Variants in NECAB2 observed in about 807,000 individuals in gnomAD.
The protein encoded by NECAB2 is N-terminal EF-hand calcium-binding protein 2.
Under a neutral mutation model 51.9 loss-of-function variants are expected in NECAB2, and 68 were observed. The ratio of observed to expected loss-of-function variants is 1.31; its 90% CI spans 1.08 to 1.60. NECAB2 has a LOEUF of 1.60. Among genes scored for constraint, NECAB2 ranks in the 40% most tolerant of loss-of-function variants. The pLI, the probability that NECAB2 is intolerant of heterozygous loss-of-function variation, is 0.00. For missense variants in NECAB2, 854 were observed against 490.3 expected, an observed-to-expected ratio of 1.74 and a Z score of -7.00; for synonymous variants, 329 against 203.5, an observed-to-expected ratio of 1.62 and a Z score of -5.25.
rs755350223 is a variant in NECAB2, at chr16:84,001,934, G to A, written c.1132+18G>A. ...GGTGCCAGGTAGGGGGCAAAGGCCT[G>A]GAACTGCAGTGGCCACCTGACTGGA... On this transcript the variant is annotated intron_variant, in intron 12 of 12. Transcript: ENST00000305202. 2.5e-6 allele frequency: 4 copies of A among 1,611,834 alleles called. No homozygotes were observed. Among genetic ancestry groups the A allele is most frequent in the Middle Eastern group, 1.7e-4 (1 of 6,036 alleles).
intron 6 of NECAB2, among the ~76,000 whole-genome samples, chr16:83,991,368 CTTTT>C (rs1167275437): frequency 1.2e-5 from 1 of 80,316 alleles, no homozygotes. Flanking sequence ...CTTTTCTTTT[CTTTT>C]TTTTTTTTTT....
At chr16:83,986,487 G>A (rs1442710318) in intron 5 of NECAB2, among the ~76,000 whole-genome samples, 1 of 152,114 alleles carries the variant, frequency 6.6e-6, no homozygotes, top group African/African-American at 2.4e-5. Flanking sequence ...TTGCCCTGTG[G>A]AGAGTGCCAG....
At chr16:83,999,873 GGTTTTTTGATTTTTAAAGGTT>G (rs1462742469) in intron 10 of NECAB2, among the ~76,000 whole-genome samples, 3 of 144,180 alleles carry the variant, frequency 2.1e-5, no homozygotes, top group African/African-American at 8.1e-5. Flanking sequence ...GATTTTTAAA[GGTTTTTTGATTTTTAAAGGTT>G]TTTTGAGACC....
At position 83,997,996 on chromosome 16, in the gene NECAB2, T is replaced by C. The variant is rs531662073; in HGVS notation, c.850-209T>C. ...ACAACCTCGTCTGTTTTCCCCATTT[T>C]TGGGGGCTACTTCTGCACTGGGCTC... On this transcript the variant is annotated intron_variant, in intron 9 of 12. Transcript: ENST00000305202. Among the ~76,000 whole-genome samples, 6 of 152,310 alleles carry C rather than the reference T, an allele frequency of 3.9e-5. No homozygotes were observed. In the South Asian group the frequency reaches 1.2e-3, roughly 32 times the overall value.
intron 5 of NECAB2, among the ~76,000 whole-genome samples, chr16:83,987,573 T>G (rs936531306): frequency 6.6e-6 from 1 of 152,060 alleles, no homozygotes; most frequent in African/African-American, 2.4e-5. Context: ...TTATAATCTG[T>G]GTTCAAAAAT....
chr16:84,001,988 C>A (rs1029215297), intron 12 of NECAB2, 72 bp downstream of exon 12: 7 of 1,515,250 alleles, frequency 4.6e-6, no homozygotes, highest in Non-Finnish European at 5.4e-6. Context: ...GAGGCTGCCC[C>A]ATATCTCCCG....
At chr16:83,989,381 C>G (rs1597213583) in intron 5 of NECAB2, among the ~76,000 whole-genome samples, 1 of 152,188 alleles carries the variant, frequency 6.6e-6, no homozygotes, top group Admixed American at 6.5e-5. Context: ...TCTCATGTGC[C>G]CCTCCTCCTC....
intron 1 of NECAB2, chr16:83,971,927 G>A: frequency 1.6e-6 from 1 of 613,852 alleles, no homozygotes; most frequent in Non-Finnish European, 2.9e-6. Context: ...GGTGGTACTG[G>A]CAGCCGCTTC....
chr16:83,990,755 C>T, intron 6 of NECAB2, 125 bp downstream of exon 6: 1 of 1,250,244 alleles, frequency 8.0e-7, no homozygotes, highest in Non-Finnish European at 1.1e-6. Context: ...GTTGCCACAG[C>T]TCTTTGTGCC....
intron 5 of NECAB2, among the ~76,000 whole-genome samples, chr16:83,988,299 G>A (rs886162406): frequency 6.6e-6 from 1 of 151,738 alleles, no homozygotes; most frequent in Non-Finnish European, 1.5e-5. Flanking sequence ...GGTCTGCCCT[G>A]TTTATATCAT....
intron 5 of NECAB2, 26 bp downstream of exon 5, chr16:83,981,153 G>C (rs780269247): frequency 1.4e-5 from 22 of 1,570,278 alleles, no homozygotes; most frequent in Non-Finnish European, 1.9e-5. Flanking sequence ...TGGCCCCCGG[G>C]GTCCAGGGCT....
chr16:83,995,388 T>A (rs1597221718), intron 8 of NECAB2, among the ~76,000 whole-genome samples: 1 of 133,524 alleles, frequency 7.5e-6, no homozygotes, highest in African/African-American at 4.2e-5. Flanking sequence ...CCTCTGATAA[T>A]CAAGAAAATA....
chr16:83,988,879 C>G (rs191376197), intron 5 of NECAB2, among the ~76,000 whole-genome samples: 1 of 152,144 alleles, frequency 6.6e-6, no homozygotes, highest in Admixed American at 6.5e-5. Flanking sequence ...GCACGTGTAC[C>G]CCTGTGTCAA....
At chr16:83,973,302 C>T (rs557684808) in intron 2 of NECAB2, among the ~76,000 whole-genome samples, 7 of 152,030 alleles carry the variant, frequency 4.6e-5, no homozygotes, top group African/African-American at 2.4e-5. Context: ...CCTGGGAGTT[C>T]CTGTTGACGG....
At chr16:83,996,832 C>A (rs1382845525) in intron 8 of NECAB2, among the ~76,000 whole-genome samples, 1 of 152,138 alleles carries the variant, frequency 6.6e-6, no homozygotes, top group Admixed American at 6.6e-5. Context: ...AACCATCTAG[C>A]TTAGAGTCTG....
intron 11 of NECAB2, among the ~76,000 whole-genome samples, chr16:84,001,326 G>GAAGCGGGGCCT (rs2084829536): frequency 6.6e-6 from 1 of 151,978 alleles, no homozygotes; most frequent in Non-Finnish European, 1.5e-5. Flanking sequence ...CCACAGGCAG[G>GAAGCGGGGCCT]AAGCGGGGCC....
chr16:83,999,650 T>G (rs959697132), intron 10 of NECAB2, among the ~76,000 whole-genome samples: 5 of 152,120 alleles, frequency 3.3e-5, no homozygotes, highest in Non-Finnish European at 7.4e-5. Flanking sequence ...GAGAGGATTC[T>G]GGGGCGGCAT....
chr16:83,971,242 G>C (rs1011466754), intron 1 of NECAB2, among the ~76,000 whole-genome samples: 4 of 152,200 alleles, frequency 2.6e-5, no homozygotes, highest in Non-Finnish European at 4.4e-5. Context: ...TGAATAGCAA[G>C]GTCTTAGCGC....
chr16:83,985,186 G>T (rs886289587), intron 5 of NECAB2, among the ~76,000 whole-genome samples: 1 of 151,440 alleles, frequency 6.6e-6, no homozygotes, highest in Admixed American at 6.6e-5. Context: ...GGTGGCAGGC[G>T]CCTGTAATCC....
Sources: allele counts gnomAD v4.1 joint callset (sites outside exome capture counted in the v4.1 genomes callset), GRCh38; gene constraint gnomAD v4.1.1; transcripts MANE v1.5; gene names NCBI Gene and HGNC (gene_info 2026-07-23, HGNC 2026-07-21).